Variants in HACD3 observed in about 807,000 individuals in gnomAD.
HACD3 encodes very-long-chain (3R)-3-hydroxyacyl-CoA dehydratase 3.
Under a neutral mutation model 55.2 loss-of-function variants are expected in HACD3, and 30 were observed. The ratio of observed to expected loss-of-function variants is 0.54; its 90% CI spans 0.41 to 0.74. The LOEUF (loss-of-function observed/expected upper bound fraction) is 0.74. HACD3 is among the 30% of genes least tolerant of loss of function. The pLI is 0.00. For synonymous variants in HACD3, 141 were observed against 151.7 expected, an observed-to-expected ratio of 0.93 and a Z score of 0.52; for missense variants, 363 against 440.1, an observed-to-expected ratio of 0.82 and a Z score of 1.57.
At position 65,577,250 on chromosome 15, in the gene HACD3, C is replaced by A. The variant is rs1596222652; in HGVS notation, c.*871C>A. 1 of 152,232 alleles carries A rather than the reference C, an allele frequency of 6.6e-6. No individual in the cohort carries two copies. The highest frequency in any genetic ancestry group is 1.9e-4 in the East Asian group (1 of 5,178). 9.4% of individuals were successfully genotyped at this position (152,232 alleles called of 1,614,324 possible). ...GACCAGCTTGGGCAACGTAGTGAGA[C>A]CCCTATCTCTACAAAAAATAAAAAA... On this transcript the variant is annotated 3_prime_UTR_variant, in exon 11 of 11. Coordinates refer to ENST00000261875, the MANE Select transcript of HACD3 (RefSeq NM_016395.4).
chr15:65,569,999 G>T, intron 7 of HACD3, 92 bp from the exon 8 acceptor site: 3 of 794,456 alleles, frequency 3.8e-6, no homozygotes, highest in East Asian at 2.9e-5. Context: ...TATTTGCCTT[G>T]CATTTAGTGG....
At chr15:65,538,594 G>A (rs972168388) in intron 1 of HACD3, among the ~76,000 whole-genome samples, 2 of 152,236 alleles carry the variant, frequency 1.3e-5, no homozygotes, top group African/African-American at 2.4e-5. Flanking sequence ...TGACAATGAA[G>A]GGTTTATACT....
At chr15:65,560,165 C>T (rs930160605) in intron 5 of HACD3, among the ~76,000 whole-genome samples, 1 of 152,012 alleles carries the variant, frequency 6.6e-6, no homozygotes, top group Non-Finnish European at 1.5e-5. Context: ...GCATATGCCA[C>T]TGTGCCTGGC....
chr15:65,532,151 G>A (rs2071907512), intron 1 of HACD3, among the ~76,000 whole-genome samples: 1 of 152,090 alleles, frequency 6.6e-6, no homozygotes, highest in Non-Finnish European at 1.5e-5. Context: ...ATGGTGTGTC[G>A]TTTAATGTGT....
intron 1 of HACD3, among the ~76,000 whole-genome samples, chr15:65,546,144 C>A (rs1206287314): frequency 6.6e-6 from 1 of 152,158 alleles, no homozygotes; most frequent in Admixed American, 6.5e-5. Flanking sequence ...TACTATAGCC[C>A]CAGCCAACAT....
At chr15:65,551,808 A>T in intron 2 of HACD3, 90 bp downstream of exon 2, 1 of 1,497,802 alleles carries the variant, frequency 6.7e-7, no homozygotes, top group Non-Finnish European at 9.3e-7. Context: ...TATTTGTCTT[A>T]CTTGTTTTTT....
intron 1 of HACD3, among the ~76,000 whole-genome samples, chr15:65,535,418 T>C (rs2071944549): frequency 6.6e-6 from 1 of 152,224 alleles, no homozygotes; most frequent in Admixed American, 6.5e-5. Context: ...GAAACAAGAA[T>C]GACCAATAAG....
chr15:65,551,381 T>C (rs2072131228), intron 1 of HACD3, among the ~76,000 whole-genome samples: 1 of 152,242 alleles, frequency 6.6e-6, no homozygotes, highest in Non-Finnish European at 1.5e-5. Context: ...ATATCTCACA[T>C]AGCACCTTGC....
chr15:65,548,306 C>T (rs1233579972), intron 1 of HACD3, among the ~76,000 whole-genome samples: 2 of 151,762 alleles, frequency 1.3e-5, no homozygotes, highest in Middle Eastern at 3.2e-3. Flanking sequence ...CCCAGGAGTT[C>T]GGGACCAGCC....
chr15:65,551,633 C>T (rs750537301), intron 1 of HACD3, 43 bp from the exon 2 acceptor site: 4 of 1,610,956 alleles, frequency 2.5e-6, no homozygotes, highest in South Asian at 2.2e-5. Flanking sequence ...CATTTTTTCT[C>T]TTCATTAAAA....
Position 65,572,382 on chromosome 15 carries a change from T to C in HACD3, c.1012+16T>C. 5 of 1,559,926 alleles carry C rather than the reference T, an allele frequency of 3.2e-6. No homozygotes were observed. The highest frequency in any genetic ancestry group is 4.3e-6 in the Non-Finnish European group (5 of 1,149,534). ...ATATTTTTAGGTAAGTATTGATTCT[T>C]TAATACAGACTTTTTCTTGTCACTT... On this transcript the variant is annotated intron_variant, in intron 10 of 10. Transcript: ENST00000261875.
chr15:65,560,068 G>T (rs1226090145), intron 5 of HACD3, among the ~76,000 whole-genome samples: 7 of 151,180 alleles, frequency 4.6e-5, no homozygotes, highest in Non-Finnish European at 8.9e-5. Context: ...TTTGAGATGG[G>T]GTCTTGCTAT....
rs541189101 is a variant in HACD3 at position 65,530,482 on chromosome 15, C to G, written c.-150C>G. On this transcript the variant is annotated 5_prime_UTR_variant, in exon 1 of 11. Transcript: ENST00000261875. The stretch of plus-strand genomic sequence containing the variant: ...CGGCGCGTCACTGCGCAGGCGCGGC[C>G]CGCGAGCGTGGGGTATCTCGAGGTG... The G allele has an allele frequency of 4.8e-6, 3 of 622,912 alleles. No individual in the cohort carries two copies. Among genetic ancestry groups the G allele is most frequent in the South Asian group, 3.0e-5 (1 of 33,404 alleles). 38.6% of individuals were successfully genotyped at this position (622,912 alleles called of 1,614,324 possible).
At position 65,570,185 on chromosome 15, in the gene HACD3, G is replaced by A. The variant is rs1337632900; in HGVS notation, c.755G>A (p.Ser252Asn). The A allele has an allele frequency of 1.6e-5, 25 of 1,610,278 alleles. No homozygotes were observed. The highest frequency in any genetic ancestry group is 2.0e-5 in the Non-Finnish European group (24 of 1,177,038). ...AVVFFVFYLW[S>N]AIEIFRYSFY... is the part of the protein sequence containing the mutation. Reference sequence around the variant, plus strand: ...GTTTTCTTTGTGTTTTATTTGTGGAGTGCAATTGAAATTTTCAGGTGGGTA... The same window carrying A: ...GTTTTCTTTGTGTTTTATTTGTGGAATGCAATTGAAATTTTCAGGTGGGTA... Residue 252 changes from serine (S) to asparagine (N), a missense_variant, in exon 8 of 11, where the codon AGT becomes AAT. Coordinates refer to ENST00000261875, the MANE Select transcript of HACD3 (RefSeq NM_016395.4).
At chr15:65,542,888 A>T (rs755391615) in intron 1 of HACD3, among the ~76,000 whole-genome samples, 1 of 152,126 alleles carries the variant, frequency 6.6e-6, no homozygotes, top group Non-Finnish European at 1.5e-5. Context: ...ATCCTGGCCA[A>T]CATGGGGAAA....
At chr15:65,573,052 GAC>G in intron 10 of HACD3, among the ~76,000 whole-genome samples, 1 of 151,542 alleles carries the variant, frequency 6.6e-6, no homozygotes, top group South Asian at 2.1e-4. Flanking sequence ...GAGGTGATAA[GAC>G]AACCAGCAGC....
chr15:65,557,432 G>A (rs1487929397), intron 4 of HACD3, among the ~76,000 whole-genome samples: 1 of 149,876 alleles, frequency 6.7e-6, no homozygotes, highest in African/African-American at 2.5e-5. Flanking sequence ...CCGAGATCAC[G>A]CCACTGCACT....
At chr15:65,539,520 C>A (rs904226582) in intron 1 of HACD3, among the ~76,000 whole-genome samples, 1 of 152,004 alleles carries the variant, frequency 6.6e-6, no homozygotes, top group African/African-American at 2.4e-5. Context: ...CGTGCCCAGC[C>A]GGACTTTTTT....
chr15:65,572,786 G>C (rs755931474), intron 10 of HACD3, among the ~76,000 whole-genome samples: 6 of 151,534 alleles, frequency 4.0e-5, no homozygotes, highest in African/African-American at 1.5e-4. Flanking sequence ...GTGGTGGCGG[G>C]TGCCTGTAAT....
Sources: allele counts gnomAD v4.1 joint callset (sites outside exome capture counted in the v4.1 genomes callset), GRCh38; gene constraint gnomAD v4.1.1; transcripts MANE v1.5; gene names NCBI Gene and HGNC (gene_info 2026-07-23, HGNC 2026-07-21).